The following PLAA variants were observed in gnomAD, a reference collection of about 807,000 sequenced individuals.
PLAA encodes phospholipase A2 activating protein.
A neutral mutation model predicts 84.1 loss-of-function variants in PLAA; 48 were observed. The observed-to-expected ratio is 0.57, with a 90% confidence interval of 0.45 to 0.73. The LOEUF (loss-of-function observed/expected upper bound fraction) is 0.73, where lower values mean the gene tolerates loss of function less well. Among genes scored for constraint, PLAA ranks in the 30% least tolerant of loss-of-function variants. PLAA has a pLI of 0.00. For synonymous variants in PLAA, 392 were observed against 336.6 expected (o/e 1.16, Z -1.80); for missense variants, 903 against 954.7 (o/e 0.95, Z 0.71).
At chr9:26,916,247 G>A in intron 10 of PLAA, 1 of 985,292 alleles carries the variant, frequency 1.0e-6, no homozygotes, top group Non-Finnish European at 1.2e-6. Flanking sequence ...AGTCTGCAAG[G>A]CCAGTGGATA....
rs148986514 is a variant in PLAA, at chr9:26,913,383, G to C, written c.1555+496C>G. Among the ~76,000 whole-genome samples, 224 of 152,250 alleles carry C rather than the reference G, an allele frequency of 1.5e-3. 1 individual carries two copies. The highest frequency in any genetic ancestry group is 5.1e-3 in the African/African-American group (213 of 41,536). On this transcript the variant is annotated intron_variant, in intron 11 of 13. Coordinates refer to ENST00000397292, the MANE Select transcript of PLAA (RefSeq NM_001031689.3). ...AAATTAGTTGCTCAGAAGAACTATA[G>C]CTATTCCAGGCATAAATCACAGAAG...
chr9:26,930,261 C>A (rs539432015), intron 2 of PLAA, among the ~76,000 whole-genome samples: 2 of 151,936 alleles, frequency 1.3e-5, no homozygotes, highest in East Asian at 3.9e-4. Flanking sequence ...CCCGCCACCA[C>A]GCCCAGCTAA....
chr9:26,906,142 T>C (rs1824230326), intron 13 of PLAA, 66 bp from the exon 14 acceptor site: 2 of 1,066,892 alleles, frequency 1.9e-6, no homozygotes, highest in South Asian at 2.7e-5. Flanking sequence ...CTATCGACTT[T>C]GAAGGATTTT....
At chr9:26,934,455 T>C (rs929393797) in intron 2 of PLAA, among the ~76,000 whole-genome samples, 18 of 150,966 alleles carry the variant, frequency 1.2e-4, no homozygotes, top group African/African-American at 4.4e-4. Context: ...ATATAGCCTC[T>C]TTTATTACTG....
rs780418522 is a variant in PLAA at position 26,920,335 on chromosome 9, T to G, written c.1089A>C (p.Glu363Asp). ...CTTCACTAACACTCCACTGATAGGC[T>G]TCGACTTTCTCCCCATCTCTGATTA... ...TRLIRDGEKV[E>D]AYQWSVSEGR... Residue 363 changes from glutamate (E) to aspartate (D), a missense_variant, in exon 8 of 14, where the codon GAA becomes GAC. By Grantham distance (45) the Glu-to-Asp change is conservative. Coordinates refer to ENST00000397292, the MANE Select transcript of PLAA (RefSeq NM_001031689.3). 2.5e-6 allele frequency: 4 copies of G among 1,613,538 alleles called. No individual in the cohort carries two copies. In the South Asian group the frequency reaches 4.4e-5, roughly 18 times the overall value.
At chr9:26,912,088 C>T (rs1017822336) in intron 11 of PLAA, among the ~76,000 whole-genome samples, 1 of 152,042 alleles carries the variant, frequency 6.6e-6, no homozygotes, top group African/African-American at 2.4e-5. Flanking sequence ...GTACAGGATG[C>T]AATGAAAGAT....
At chr9:26,908,652 A>G (rs1470423533) in intron 12 of PLAA, among the ~76,000 whole-genome samples, 1 of 151,666 alleles carries the variant, frequency 6.6e-6, no homozygotes, top group Admixed American at 6.6e-5. Flanking sequence ...TTTAGTAGAG[A>G]TGGGGTTTCA....
intron 6 of PLAA, among the ~76,000 whole-genome samples, chr9:26,925,122 G>A (rs1004847424): frequency 6.6e-6 from 1 of 152,098 alleles, no homozygotes; most frequent in Admixed American, 6.5e-5. Context: ...CTACCCATTA[G>A]CATTGTGGGG....
chr9:26,915,366 T>A (rs1287780616), intron 10 of PLAA, among the ~76,000 whole-genome samples: 2 of 152,274 alleles, frequency 1.3e-5, no homozygotes, highest in African/African-American at 4.8e-5. Flanking sequence ...CTGGGATAAG[T>A]AATTTAAACA....
intron 6 of PLAA, 86 bp from the exon 7 acceptor site, chr9:26,923,433 T>A: frequency 9.8e-7 from 1 of 1,018,584 alleles, no homozygotes; most frequent in South Asian, 1.6e-5. Context: ...GTAAAAATAA[T>A]CTGTGTTTGT....
At chr9:26,929,847 C>A (rs1218335149) in intron 2 of PLAA, among the ~76,000 whole-genome samples, 2 of 152,110 alleles carry the variant, frequency 1.3e-5, no homozygotes, top group African/African-American at 4.8e-5. Context: ...TTTGATGAAG[C>A]TGAATCGTTG....
Position 26,905,238 on chromosome 9 carries a change from G to A in PLAA, c.*273C>T, listed in dbSNP as rs1824191605. On this transcript the variant is annotated 3_prime_UTR_variant, in exon 14 of 14. Coordinates refer to ENST00000397292, the MANE Select transcript of PLAA (RefSeq NM_001031689.3). The stretch of plus-strand genomic sequence containing the variant: ...TTGTCTTCTTAGTGGCTAAGGTAAG[G>A]GGAAGATGTCATTGTCATTGTGTTG... The A allele has an allele frequency of 2.7e-6, 1 of 376,062 alleles. No individual in the cohort carries two copies. Among genetic ancestry groups the A allele is most frequent in the Non-Finnish European group, 4.8e-6 (1 of 207,708 alleles). The allele number at this position is 376,062 out of a possible 1,614,324, so 23.3% of individuals were successfully genotyped here.
Position 26,947,172 on chromosome 9 carries a change from AGCCCGAGAGCCGGTACGGAAGG to A in PLAA, c.-149_-128del. ...GTAAGGGGCGGCCGGAGACCGGAAG[AGCCCGAGAGCCGGTACGGAAGG>A]GCGGCTGGGAAGGGGCGCGCCGAGC... is the stretch of plus-strand genomic sequence containing the variant. On this transcript the variant is annotated 5_prime_UTR_variant, in exon 1 of 14. Coordinates refer to ENST00000397292, the MANE Select transcript of PLAA (RefSeq NM_001031689.3). 5.3e-6 allele frequency: 6 copies of A among 1,135,086 alleles called. No individual in the cohort carries two copies. In the South Asian group the frequency reaches 1.1e-4, roughly 20 times the overall value. The allele number at this position is 1,135,086 out of a possible 1,614,324, so 70.3% of individuals were successfully genotyped here. A position where few individuals can be genotyped will look rare whatever the true frequency, so the allele number is the denominator to read the frequency against.
chr9:26,939,915 T>C (rs899121115), intron 1 of PLAA, among the ~76,000 whole-genome samples: 1 of 152,228 alleles, frequency 6.6e-6, no homozygotes, highest in Non-Finnish European at 1.5e-5. Flanking sequence ...TGAAGTGATA[T>C]ATAGATAGTT....
chr9:26,924,990 T>C (rs1824894813), intron 6 of PLAA, among the ~76,000 whole-genome samples: 1 of 152,210 alleles, frequency 6.6e-6, no homozygotes, highest in South Asian at 2.1e-4. Flanking sequence ...ACCCAACCAA[T>C]TCTCCCACTT....
chr9:26,918,416 C>T (rs1824643389), intron 9 of PLAA, among the ~76,000 whole-genome samples: 1 of 151,754 alleles, frequency 6.6e-6, no homozygotes, highest in African/African-American at 2.4e-5. Flanking sequence ...GCGTCAGCCA[C>T]CACACCTGGC....
chr9:26,934,631 C>T (rs1363094735), intron 2 of PLAA, among the ~76,000 whole-genome samples: 1 of 152,004 alleles, frequency 6.6e-6, no homozygotes, highest in Non-Finnish European at 1.5e-5. Context: ...TGGTGGGCAT[C>T]ACCACACCTG....
intron 6 of PLAA, among the ~76,000 whole-genome samples, 161 bp from the exon 7 acceptor site, chr9:26,923,508 G>A (rs1335887079): frequency 6.6e-6 from 1 of 152,188 alleles, no homozygotes; most frequent in Admixed American, 6.5e-5. Context: ...TTCAGCACAT[G>A]CTACTCTATT....
chr9:26,910,514 G>T, intron 11 of PLAA, 75 bp from the exon 12 acceptor site: 1 of 1,124,432 alleles, frequency 8.9e-7, no homozygotes, highest in Non-Finnish European at 1.3e-6. Flanking sequence ...ATATGACTTA[G>T]TTTTCACAAT....
Sources: allele counts gnomAD v4.1 joint callset (sites outside exome capture counted in the v4.1 genomes callset), GRCh38; gene constraint gnomAD v4.1.1; transcripts MANE v1.5; gene names NCBI Gene and HGNC (gene_info 2026-07-23, HGNC 2026-07-21).